The following ARIH2 variants were observed in gnomAD, a reference collection of about 807,000 sequenced individuals.
The protein encoded by ARIH2 is ariadne RBR E3 ubiquitin protein ligase 2.
ARIH2 carries 12 observed loss-of-function variants against 79.8 expected under a neutral mutation model. The observed-to-expected ratio is 0.15, with a 90% CI of 0.10 to 0.24. The LOEUF is 0.24. Among genes scored for constraint, ARIH2 ranks in the 10% least tolerant of loss-of-function variants. ARIH2 has a pLI of 1.00. For synonymous variants in ARIH2, 224 were observed against 213.9 expected (o/e 1.05, Z -0.41); for missense variants, 301 against 618.3 (o/e 0.49, Z 5.44).
intron 3 of ARIH2, among the ~76,000 whole-genome samples, chr3:48,940,885 G>T (rs1486840827): frequency 6.8e-6 from 1 of 147,260 alleles, no homozygotes; most frequent in Non-Finnish European, 1.5e-5. Context: ...ATATATTTGT[G>T]CAGGCTGGGC....
chr3:48,983,516 G>A lies in ARIH2; in HGVS notation c.*246G>A. ...GACTTTTATTTCCCCCTGGATGGTT[G>A]TTGGGAGGGAGGGAAAGTGTTTTCT... On this transcript the variant is annotated 3_prime_UTR_variant, in exon 16 of 16. Coordinates refer to ENST00000356401, the MANE Select transcript of ARIH2 (RefSeq NM_006321.4). The A allele has an allele frequency of 1.9e-6, 1 of 523,924 alleles. No homozygotes were observed. Among genetic ancestry groups the A allele is most frequent in the Non-Finnish European group, 3.4e-6 (1 of 295,034 alleles). The allele number at this position is 523,924 out of a possible 1,614,324, so 32.5% of individuals were successfully genotyped here. A position where few individuals can be genotyped will look rare whatever the true frequency, so the allele number is the denominator to read the frequency against.
intron 3 of ARIH2, among the ~76,000 whole-genome samples, chr3:48,939,764 A>C (rs1488943463): frequency 6.7e-6 from 1 of 149,494 alleles, no homozygotes; most frequent in African/African-American, 2.5e-5. Context: ...TCTCAAAAAA[A>C]AAAAAAAAAA....
At chr3:48,934,368 A>C (rs2086824449) in intron 3 of ARIH2, 1 of 948,828 alleles carries the variant, frequency 1.1e-6, no homozygotes, top group African/African-American at 1.8e-5. Context: ...ATATAGCTGA[A>C]TTTTAAGATC....
chr3:48,944,384 G>GT (rs1477044332), intron 3 of ARIH2, among the ~76,000 whole-genome samples: 11 of 151,996 alleles, frequency 7.2e-5, no homozygotes, highest in Non-Finnish European at 1.3e-4. Context: ...GAGGTCTTTG[G>GT]TTTTTTTGGT....
intron 3 of ARIH2, 47 bp from the exon 4 acceptor site, chr3:48,961,565 A>G (rs2091267832): frequency 1.6e-6 from 2 of 1,242,100 alleles, no homozygotes; most frequent in African/African-American, 3.0e-5. Flanking sequence ...AAACACTTTA[A>G]AAGAAAATGC....
At chr3:48,970,160 G>A (rs751867297) in intron 7 of ARIH2, among the ~76,000 whole-genome samples, 3 of 151,240 alleles carry the variant, frequency 2.0e-5, no homozygotes, top group Admixed American at 6.6e-5. Flanking sequence ...CCAAAGTGCT[G>A]GGATTACAGG....
At chr3:48,961,329 G>C (rs1284539953) in intron 3 of ARIH2, among the ~76,000 whole-genome samples, 2 of 152,096 alleles carry the variant, frequency 1.3e-5, no homozygotes, top group Non-Finnish European at 2.9e-5. Flanking sequence ...ATAGATGCTA[G>C]GTTGTTATTT....
At chr3:48,950,247 G>A (rs2089778291) in intron 3 of ARIH2, among the ~76,000 whole-genome samples, 1 of 152,040 alleles carries the variant, frequency 6.6e-6, no homozygotes, top group African/African-American at 2.4e-5. Flanking sequence ...ATACATGTAT[G>A]AGTTTCCTTT....
intron 3 of ARIH2, chr3:48,949,025 A>G (rs760752020): frequency 5.3e-5 from 24 of 456,266 alleles, no homozygotes; most frequent in Non-Finnish European, 8.4e-5. Flanking sequence ...ATTCATGGCC[A>G]GGGCTTAATA....
chr3:48,982,517 T>A (rs1317422489), intron 14 of ARIH2, among the ~76,000 whole-genome samples: 1 of 152,190 alleles, frequency 6.6e-6, no homozygotes, highest in Non-Finnish European at 1.5e-5. Flanking sequence ...TTTTTAAGGC[T>A]CTTGATTTGC....
rs569969651 is a variant in ARIH2 at position 48,961,003 on chromosome 3, C to T, written c.256-609C>T. 4.3e-4 allele frequency among the ~76,000 whole-genome samples: 65 copies of T among 152,254 alleles called. 1 individual carries two copies. The highest frequency in any genetic ancestry group is 6.8e-3 in the Middle Eastern group (2 of 294). ...TGCACCTTCTGAGGTTCTTTAGTAG[C>T]TATAACTATGTGCTTTAAATGTCCC... On this transcript the variant is annotated intron_variant, in intron 3 of 15. Transcript: ENST00000356401.
intron 4 of ARIH2, among the ~76,000 whole-genome samples, chr3:48,962,501 C>G (rs1042061301): frequency 1.3e-5 from 2 of 152,172 alleles, no homozygotes; most frequent in Non-Finnish European, 2.9e-5. Context: ...CTTAGAGTCT[C>G]AAGATGTCTT....
chr3:48,977,873 G>A (rs1017864622), intron 11 of ARIH2, among the ~76,000 whole-genome samples: 2 of 152,146 alleles, frequency 1.3e-5, no homozygotes, highest in African/African-American at 4.8e-5. Context: ...CTGGGTCTCC[G>A]GGTTTTGCTT....
At chr3:48,942,725 C>T (rs1054369635) in intron 3 of ARIH2, among the ~76,000 whole-genome samples, 4 of 148,300 alleles carry the variant, frequency 2.7e-5, no homozygotes, top group East Asian at 2.0e-4. Flanking sequence ...GATCTCAGCT[C>T]GCTGCAACCT....
intron 3 of ARIH2, chr3:48,934,685 A>G: frequency 1.0e-6 from 1 of 985,428 alleles, no homozygotes; most frequent in Non-Finnish European, 1.2e-6. Flanking sequence ...ACTGATGTGT[A>G]AATTCATTTT....
chr3:48,950,547 C>A (rs541320598), intron 3 of ARIH2, among the ~76,000 whole-genome samples: 1 of 152,278 alleles, frequency 6.6e-6, no homozygotes, highest in South Asian at 2.1e-4. Context: ...TTGCAATCAA[C>A]TATTAATTTT....
rs551194675 is a variant in ARIH2, at chr3:48,962,872, T to G, written c.323+1193T>G. Among the ~76,000 whole-genome samples the G allele has an allele frequency of 2.0e-5, 3 of 152,238 alleles. No homozygotes were observed. In the East Asian group the frequency reaches 5.8e-4, roughly 29 times the overall value. On this transcript the variant is annotated intron_variant, in intron 4 of 15. Transcript: ENST00000356401. ...CTTTCTCGTATGGTATGTTTTTTTT[T>G]ATTTTTATTTTTTTGAGACAAAGTC...
intron 3 of ARIH2, among the ~76,000 whole-genome samples, chr3:48,928,987 C>T (rs1264767389): frequency 6.6e-6 from 1 of 152,166 alleles, no homozygotes; most frequent in Non-Finnish European, 1.5e-5. Context: ...CTCCAGAGGG[C>T]ATTTCCCTGG....
chr3:48,958,059 G>T (rs1017134862), intron 3 of ARIH2, among the ~76,000 whole-genome samples: 1 of 152,104 alleles, frequency 6.6e-6, no homozygotes, highest in African/African-American at 2.4e-5. Flanking sequence ...ACTGACGTAG[G>T]TTGGAAACAG....
Sources: allele counts gnomAD v4.1 joint callset (sites outside exome capture counted in the v4.1 genomes callset), GRCh38; gene constraint gnomAD v4.1.1; transcripts MANE v1.5; gene names NCBI Gene and HGNC (gene_info 2026-07-23, HGNC 2026-07-21).